The following CPPED1 variants were observed in gnomAD, a reference collection of about 807,000 sequenced individuals.
The protein encoded by CPPED1 is serine/threonine-protein phosphatase CPPED1.
Under a neutral mutation model 28.0 loss-of-function variants are expected in CPPED1, and 28 were observed. The ratio of observed to expected loss-of-function variants is 1.00; its 90% CI spans 0.74 to 1.37. The LOEUF (loss-of-function observed/expected upper bound fraction) is 1.37. CPPED1 is among the 40% of genes most tolerant of loss of function. CPPED1 has a pLI of 0.00. For synonymous variants in CPPED1, 198 were observed against 180.2 expected (o/e 1.10, Z -0.79); for missense variants, 504 against 416.5 (o/e 1.21, Z -1.83).
rs1239060144 is a variant in CPPED1, at chr16:12,803,700, G to A, written c.70+7C>T. The stretch of plus-strand genomic sequence containing the variant: ...AGTCCCCTCCCCGGGTGAGGGGCGG[G>A]CAGTACCTGCGGGAAACGCGGCCAG... On this transcript the variant is annotated splice_region_variant and intron_variant, in intron 1 of 3. Coordinates refer to ENST00000381774, the MANE Select transcript of CPPED1 (RefSeq NM_018340.3). 3.2e-6 allele frequency: 5 copies of A among 1,562,918 alleles called. No homozygotes were observed. The East Asian group carries it at 1.0e-4, about 31-fold the overall frequency.
chr16:12,796,210 C>T (rs2080626775), intron 1 of CPPED1, among the ~76,000 whole-genome samples: 1 of 151,724 alleles, frequency 6.6e-6, no homozygotes, highest in African/African-American at 2.4e-5. Context: ...AAACATACAA[C>T]TGGCCAGGCA....
At chr16:12,742,104 C>T (rs543633955) in intron 2 of CPPED1, among the ~76,000 whole-genome samples, 1 of 151,910 alleles carries the variant, frequency 6.6e-6, no homozygotes, top group Admixed American at 6.6e-5. Context: ...TAAAATACTG[C>T]AAAAATAGAT....
intron 2 of CPPED1, among the ~76,000 whole-genome samples, chr16:12,777,974 G>C (rs1021419065): frequency 6.8e-6 from 1 of 146,750 alleles, no homozygotes; most frequent in Non-Finnish European, 1.5e-5. Context: ...CAGTGGTGTA[G>C]TCTTGGCTCA....
At chr16:12,778,000 C>T (rs1294496821) in intron 2 of CPPED1, among the ~76,000 whole-genome samples, 1 of 151,052 alleles carries the variant, frequency 6.6e-6, no homozygotes, top group Admixed American at 6.6e-5. Context: ...TTCTCCACCG[C>T]CTGGGTTCAA....
chr16:12,702,924 A>G (rs2080028023), intron 3 of CPPED1, among the ~76,000 whole-genome samples: 1 of 150,896 alleles, frequency 6.6e-6, no homozygotes, highest in Non-Finnish European at 1.5e-5. Context: ...AGGCAGAAAA[A>G]TTGCTTTAAC....
At chr16:12,698,713 G>A (rs2141183390) in intron 3 of CPPED1, among the ~76,000 whole-genome samples, 1 of 152,306 alleles carries the variant, frequency 6.6e-6, no homozygotes, top group Non-Finnish European at 1.5e-5. Context: ...TTACAGGTGT[G>A]AGCCACTGCA....
intron 1 of CPPED1, among the ~76,000 whole-genome samples, chr16:12,794,846 G>C (rs956933719): frequency 1.4e-4 from 21 of 152,192 alleles, no homozygotes; most frequent in African/African-American, 4.3e-4. Flanking sequence ...GTCATGGCTT[G>C]GCTGCCACAA....
At chr16:12,733,156 A>G (rs1307973477) in intron 2 of CPPED1, among the ~76,000 whole-genome samples, 1 of 152,246 alleles carries the variant, frequency 6.6e-6, no homozygotes, top group Non-Finnish European at 1.5e-5. Flanking sequence ...CAACAAATAA[A>G]GCATGCAGGA....
chr16:12,734,058 G>GTTT lies in CPPED1; in HGVS notation c.290-29012_290-29010dup, dbSNP rs71142517. ...CTTTGTCTCTGTTTTCAAATTACAC[G>GTTT]TTTTTTTTTTTTTTTTTTTTTTTTT... On this transcript the variant is annotated intron_variant, in intron 2 of 3. Coordinates refer to ENST00000381774, the MANE Select transcript of CPPED1 (RefSeq NM_018340.3). 3.1e-3 allele frequency among the ~76,000 whole-genome samples: 199 copies of GTTT among 64,418 alleles called. 55 individuals carry two copies. The highest frequency in any genetic ancestry group is 0.011 in the African/African-American group (134 of 11,718). 42.3% of individuals were successfully genotyped at this position (64,418 alleles called of 152,430 possible). A position where few individuals can be genotyped will look rare whatever the true frequency, so the allele number is the denominator to read the frequency against.
intron 2 of CPPED1, among the ~76,000 whole-genome samples, chr16:12,710,276 G>C (rs993828900): frequency 6.6e-6 from 1 of 152,178 alleles, no homozygotes; most frequent in East Asian, 1.9e-4. Flanking sequence ...AGGTAGAACT[G>C]ACAGGAATCC....
intron 3 of CPPED1, among the ~76,000 whole-genome samples, chr16:12,704,254 G>C (rs1394905308): frequency 6.6e-6 from 1 of 152,120 alleles, no homozygotes; most frequent in Non-Finnish European, 1.5e-5. Flanking sequence ...GCACTACCCA[G>C]TCTACTTCCC....
intron 3 of CPPED1, among the ~76,000 whole-genome samples, chr16:12,686,779 A>G (rs992138560): frequency 1.3e-5 from 2 of 152,196 alleles, no homozygotes; most frequent in African/African-American, 4.8e-5. Context: ...AATGTTGGCA[A>G]CTGAAAACAA....
intron 3 of CPPED1, among the ~76,000 whole-genome samples, chr16:12,686,488 A>T (rs2079934192): frequency 6.6e-6 from 1 of 152,100 alleles, no homozygotes; most frequent in Non-Finnish European, 1.5e-5. Context: ...ATTCAGTGAG[A>T]CTCCATTAGA....
At position 12,803,687 on chromosome 16, in the gene CPPED1, G is replaced by T. The variant is rs771455522; in HGVS notation, c.70+20C>A. 1.1e-5 allele frequency: 16 copies of T among 1,521,400 alleles called. No individual in the cohort carries two copies. The Admixed American group carries it at 1.8e-4, about 17-fold the overall frequency. The allele number at this position is 1,521,400 out of a possible 1,614,324, so 94.2% of individuals were successfully genotyped here. A position where few individuals can be genotyped will look rare whatever the true frequency, so the allele number is the denominator to read the frequency against. ...TCCGCAGCCCCAGAGTCCCCTCCCC[G>T]GGTGAGGGGCGGGCAGTACCTGCGG... On this transcript the variant is annotated intron_variant, in intron 1 of 3. Transcript: ENST00000381774.
intron 2 of CPPED1, among the ~76,000 whole-genome samples, chr16:12,770,480 A>C (rs1356092020): frequency 6.6e-6 from 1 of 152,196 alleles, no homozygotes; most frequent in African/African-American, 2.4e-5. Context: ...GAAGGAGAAA[A>C]AGTAAATCAC....
intron 2 of CPPED1, among the ~76,000 whole-genome samples, chr16:12,736,298 T>G (rs960823931): frequency 6.7e-5 from 10 of 149,972 alleles, no homozygotes; most frequent in African/African-American, 2.5e-4. Flanking sequence ...CAGGCTGGAG[T>G]GCAATGGCAT....
chr16:12,713,790 G>T (rs1035053388), intron 2 of CPPED1, among the ~76,000 whole-genome samples: 4 of 151,982 alleles, frequency 2.6e-5, no homozygotes, highest in Admixed American at 2.6e-4. Flanking sequence ...AACAGCTTGA[G>T]ATATAAATAC....
chr16:12,791,576 C>T (rs897564418), intron 1 of CPPED1, among the ~76,000 whole-genome samples: 4 of 152,304 alleles, frequency 2.6e-5, no homozygotes, highest in African/African-American at 7.2e-5. Flanking sequence ...AGCAGCCCCA[C>T]CTTACCGTTC....
At chr16:12,685,807 G>T (rs931329102) in intron 3 of CPPED1, among the ~76,000 whole-genome samples, 1 of 152,204 alleles carries the variant, frequency 6.6e-6, no homozygotes, top group Non-Finnish European at 1.5e-5. Flanking sequence ...AGGAACCCAG[G>T]TCTGGATATG....
Sources: gnomAD v4.1 joint callset for allele counts (sites outside exome capture counted in the v4.1 genomes callset) on GRCh38, gnomAD v4.1.1 for gene constraint, MANE v1.5 for transcripts, NCBI Gene and HGNC (gene_info 2026-07-23, HGNC 2026-07-21) for gene names.